UBASH3A: variants seen among roughly 807,000 people sequenced by gnomAD.
The protein encoded by UBASH3A is ubiquitin-associated and SH3 domain-containing protein A.
Under a neutral mutation model 73.5 loss-of-function variants are expected in UBASH3A, and 63 were observed. That is an observed-to-expected ratio of 0.86 (90% CI 0.70 to 1.06). UBASH3A has a LOEUF of 1.06. Among genes scored for constraint, UBASH3A ranks in the 50% least tolerant of loss-of-function variants. The pLI, the probability that UBASH3A is intolerant of heterozygous loss-of-function variation, is 0.00. For missense variants in UBASH3A, 860 were observed against 859.0 expected (o/e 1.00, Z -0.02); for synonymous variants, 363 against 351.1 (o/e 1.03, Z -0.38).
At chr21:42,426,535 G>A (rs975727529) in intron 7 of UBASH3A, among the ~76,000 whole-genome samples, 162 bp from the exon 8 acceptor site, 4 of 152,224 alleles carry the variant, frequency 2.6e-5, no homozygotes, top group Non-Finnish European at 5.9e-5. Flanking sequence ...CACTTCCTGA[G>A]TCCTGAGCAC....
At chr21:42,437,950 T>A (rs367625817) in intron 11 of UBASH3A, among the ~76,000 whole-genome samples, 1 of 152,196 alleles carries the variant, frequency 6.6e-6, no homozygotes, top group Non-Finnish European at 1.5e-5. Flanking sequence ...TGCATGACCC[T>A]TCCCAGGGCA....
rs778585344 is a variant in UBASH3A, at chr21:42,443,348, G to T, written c.1668G>T (p.Glu556Asp). The T allele has an allele frequency of 1.9e-6, 3 of 1,613,258 alleles. No homozygotes were observed. In the South Asian group the frequency reaches 3.3e-5, roughly 18 times the overall value. ...AFPLSALMPA[E>D]SYQEYMDRCT... is the part of the protein sequence containing the mutation. Reference sequence around the variant, plus strand: ...CCCTGTCCGCCCTCATGCCGGCCGAGAGCTACCAGGAGTACATGGACAGGT... The same window carrying T: ...CCCTGTCCGCCCTCATGCCGGCCGATAGCTACCAGGAGTACATGGACAGGT... Residue 556 changes from glutamate to aspartate, a missense_variant, in exon 13 of 15, where the codon GAG (glutamate) becomes GAT (aspartate). Physicochemically the swap from Glu to Asp is conservative, Grantham distance 45. Transcript: ENST00000319294.
At position 42,413,999 on chromosome 21, in the gene UBASH3A, T is replaced by G. The variant is rs965227383; in HGVS notation, c.667+476T>G. Among the ~76,000 whole-genome samples the G allele has an allele frequency of 1.3e-5, 2 of 152,236 alleles. No homozygotes were observed. The highest frequency in any genetic ancestry group is 4.8e-5 in the African/African-American group (2 of 41,464). On this transcript the variant is annotated intron_variant, in intron 5 of 14. Coordinates refer to ENST00000319294, the MANE Select transcript of UBASH3A (RefSeq NM_018961.4). The surrounding 1 kb of genome is among the most constrained non-coding windows in gnomAD (Gnocchi z 4.5). ...GAGTGGCATGACCTTAATCAAGTCA[T>G]GTCCACTCTCTCTGTCTCTTTTTCT...
chr21:42,421,213 G>C (rs530572620), intron 7 of UBASH3A, among the ~76,000 whole-genome samples: 4 of 152,232 alleles, frequency 2.6e-5, no homozygotes, highest in African/African-American at 9.6e-5. Flanking sequence ...AGCCTCATGG[G>C]TGTGCCTGTT....
intron 1 of UBASH3A, 54 bp from the exon 2 acceptor site, chr21:42,406,254 C>T: frequency 6.7e-7 from 1 of 1,501,038 alleles, no homozygotes; most frequent in Non-Finnish European, 9.3e-7. Context: ...CCTCTCTGAC[C>T]CTTTTCCCAA....
chr21:42,426,236 G>A (rs190546218), intron 7 of UBASH3A, among the ~76,000 whole-genome samples: 1 of 152,184 alleles, frequency 6.6e-6, no homozygotes, highest in Non-Finnish European at 1.5e-5. Context: ...GACATTCAAG[G>A]ACCATTTTCT....
In UBASH3A at chr21:42,418,568, C is replaced by A; in HGVS notation, c.1005C>A (p.Tyr335Ter). Residue 335 changes from tyrosine to a stop codon, truncating the protein, a stop_gained, in exon 7 of 15, where the codon TAC (tyrosine) becomes TAA (stop). Transcript: ENST00000319294. LOFTEE classifies it high-confidence loss of function. The part of the protein sequence containing the change: ...TGCRGFLPEN[Y>*]TDRASESDTW... ...GCCGGGGCTTCCTGCCGGAAAACTA[C>A]ACGGATCGAGCCAGTGAGTCTGACA... 6.2e-7 allele frequency: 1 copy of A among 1,614,184 alleles called. No homozygotes were observed. The highest frequency in any genetic ancestry group is 8.5e-7 in the Non-Finnish European group (1 of 1,180,030).
chr21:42,435,154 G>A, intron 10 of UBASH3A, 200 bp downstream of exon 10: 1 of 518,714 alleles, frequency 1.9e-6, no homozygotes, highest in Non-Finnish European at 3.3e-6. Flanking sequence ...CAATGTAGAG[G>A]TTTGATCTAG....
rs866123403 is a variant in UBASH3A, at chr21:42,437,562, G to A, written c.1468G>A (p.Ala490Thr). ...CCCAGCCCTCCGCTGTGTGCAGACG[G>A]CCAAACTCATCCTGGAAGGTCAGTG... Reference protein sequence around the residue: ...ASPALRCVQTAKLILEELKLE... With the variant: ...ASPALRCVQTTKLILEELKLE... The change falls in exon 11 of 15, where the codon GCC becomes ACC. Residue 490 changes from alanine (A) to threonine (T), a missense_variant. Transcript: ENST00000319294. The A allele has an allele frequency of 6.2e-7, 1 of 1,614,130 alleles. No homozygotes were observed. Among genetic ancestry groups the A allele is most frequent in the Non-Finnish European group, 8.5e-7 (1 of 1,179,980 alleles).
intron 11 of UBASH3A, among the ~76,000 whole-genome samples, chr21:42,441,710 G>A (rs2053749561): frequency 6.6e-6 from 1 of 151,986 alleles, no homozygotes; most frequent in Non-Finnish European, 1.5e-5. Flanking sequence ...GGGAGAACTT[G>A]GGGGCCTGAT....
intron 9 of UBASH3A, among the ~76,000 whole-genome samples, chr21:42,433,313 G>A (rs769850964): frequency 2.0e-4 from 31 of 152,132 alleles, no homozygotes; most frequent in Non-Finnish European, 3.2e-4. Flanking sequence ...GTATAGCCAC[G>A]TCCTCCCCCA....
At chr21:42,444,998 G>C (rs2053822104) in intron 14 of UBASH3A, among the ~76,000 whole-genome samples, 1 of 152,202 alleles carries the variant, frequency 6.6e-6, no homozygotes, top group Non-Finnish European at 1.5e-5. Flanking sequence ...GCCTCTTCTG[G>C]GGACCTGGGG....
In UBASH3A at chr21:42,416,625, G is replaced by A. The variant is rs1235925364; in HGVS notation, c.837+14G>A. On this transcript the variant is annotated intron_variant, in intron 6 of 14. Coordinates refer to ENST00000319294, the MANE Select transcript of UBASH3A (RefSeq NM_018961.4). ...GTGCACTACCAGGTGAGAGAGCTGA[G>A]CAGGGGCTCATAAGAAGCAGATGAA... 1 of 1,536,884 alleles carries A rather than the reference G, an allele frequency of 6.5e-7. No homozygotes were observed. Among genetic ancestry groups the A allele is most frequent in the South Asian group, 1.2e-5 (1 of 82,508 alleles).
In UBASH3A at chr21:42,415,592, G is replaced by A. The variant is rs576041222; in HGVS notation, c.668-850G>A. On this transcript the variant is annotated intron_variant, in intron 5 of 14. Transcript: ENST00000319294. ...TGGGGGCAGGGTACGTCTGTGCACC[G>A]ACACGGCGTCTCTAGCAGGAAACTT... Among the ~76,000 whole-genome samples, 5 of 152,300 alleles carry A rather than the reference G, an allele frequency of 3.3e-5. No individual in the cohort carries two copies. In the East Asian group the frequency reaches 7.7e-4, roughly 24 times the overall value.
chr21:42,434,784 T>C, intron 9 of UBASH3A, 48 bp from the exon 10 acceptor site: 1 of 1,574,234 alleles, frequency 6.4e-7, no homozygotes. Flanking sequence ...GGAACAAATC[T>C]GTACTAACTT....
intron 11 of UBASH3A, among the ~76,000 whole-genome samples, chr21:42,439,526 C>A (rs777559333): frequency 1.3e-5 from 2 of 152,156 alleles, no homozygotes; most frequent in African/African-American, 4.8e-5. Context: ...AAAGGACTCG[C>A]GAATCCCCAA....
At chr21:42,425,321 C>T (rs920529685) in intron 7 of UBASH3A, among the ~76,000 whole-genome samples, 4 of 152,198 alleles carry the variant, frequency 2.6e-5, no homozygotes, top group African/African-American at 7.2e-5. Context: ...AAATGCACTC[C>T]GTTTCTCTCT....
intron 7 of UBASH3A, among the ~76,000 whole-genome samples, chr21:42,421,109 C>A (rs2053330753): frequency 6.6e-6 from 1 of 152,204 alleles, no homozygotes; most frequent in South Asian, 2.1e-4. Flanking sequence ...CTCTTGTGAG[C>A]TTTTTCACTC....
At position 42,418,468 on chromosome 21, in the gene UBASH3A, A is replaced by G. The variant is rs2053267108; in HGVS notation, c.905A>G (p.Tyr302Cys). 1.2e-6 allele frequency: 2 copies of G among 1,614,224 alleles called. No homozygotes were observed. The highest frequency in any genetic ancestry group is 1.7e-6 in the Non-Finnish European group (2 of 1,180,030). The change falls in exon 7 of 15, where the codon TAC (tyrosine) becomes TGC (cysteine). Residue 302 changes from tyrosine to cysteine, a missense_variant. Transcript: ENST00000319294. ...GAGCTGACGCTAAGTCCTGGTGACT[A>G]CATCTTTGTGGACCCCACGCAGCAG... ...VDELTLSPGD[Y>C]IFVDPTQQDE...
Sources: gnomAD v4.1 joint callset for allele counts (sites outside exome capture counted in the v4.1 genomes callset) on GRCh38, gnomAD v4.1.1 for gene constraint, Gnocchi (gnomAD v3.1) non-coding constraint, MANE v1.5 for transcripts, NCBI Gene and HGNC (gene_info 2026-07-23, HGNC 2026-07-21) for gene names.